GALNT13: variants seen among roughly 807,000 people sequenced by gnomAD.
The protein encoded by GALNT13 is UDP-GalNAc:polypeptide N-acetylgalactosaminyltransferase 13.
In GALNT13, 28 loss-of-function variants were observed where a neutral mutation model predicts 64.2. That is an observed-to-expected ratio of 0.44 (90% CI 0.32 to 0.60). GALNT13 has a LOEUF of 0.60. GALNT13 is among the 20% of genes least tolerant of loss of function. The pLI is 0.05. For missense variants in GALNT13, 577 were observed against 669.8 expected (o/e 0.86, Z 1.53); for synonymous variants, 214 against 224.6 (o/e 0.95, Z 0.42).
At chr2:153,789,161 C>T in the GALNT13 span, among the ~76,000 whole-genome samples, 1 of 152,070 alleles carries the variant, frequency 6.6e-6, no homozygotes, top group Non-Finnish European at 1.5e-5. Flanking sequence ...TTCTTATTGC[C>T]ACATGACACA....
the GALNT13 span, among the ~76,000 whole-genome samples, chr2:153,225,485 G>A: frequency 1.3e-5 from 2 of 152,162 alleles, no homozygotes; most frequent in African/African-American, 4.8e-5. Context: ...AGTATGGGTA[G>A]TAGCTAATGC....
At chr2:153,312,442 G>T in the GALNT13 span, among the ~76,000 whole-genome samples, 1 of 152,178 alleles carries the variant, frequency 6.6e-6, no homozygotes, top group Non-Finnish European at 1.5e-5. Context: ...GCCAAATCCA[G>T]TTGGGTTTTA....
the GALNT13 span, among the ~76,000 whole-genome samples, chr2:153,815,993 A>G: frequency 5.9e-5 from 9 of 152,090 alleles, no homozygotes; most frequent in African/African-American, 2.2e-4. Context: ...TTCTCAATTC[A>G]CTCACTCACA....
At chr2:153,809,674 A>G in the GALNT13 span, among the ~76,000 whole-genome samples, 5 of 152,326 alleles carry the variant, frequency 3.3e-5, no homozygotes, top group Middle Eastern at 3.4e-3. Context: ...ATATCTTAAC[A>G]TAATTTGGAT....
At chr2:153,440,409 A>G in the GALNT13 span, among the ~76,000 whole-genome samples, 36 of 152,288 alleles carry the variant, frequency 2.4e-4, no homozygotes, top group African/African-American at 7.5e-4. Context: ...TGCAATAAAC[A>G]TATGTGTGCA....
chr2:153,248,847 A>G, the GALNT13 span, among the ~76,000 whole-genome samples: 1 of 151,102 alleles, frequency 6.6e-6, no homozygotes, highest in East Asian at 1.9e-4. Flanking sequence ...AGAAAAAAAA[A>G]ACCCTCAATA....
At chr2:153,592,063 A>T in the GALNT13 span, among the ~76,000 whole-genome samples, 1 of 140,756 alleles carries the variant, frequency 7.1e-6, no homozygotes, top group African/African-American at 2.9e-5. Flanking sequence ...TGGTTAACAG[A>T]TTATATATAT....
the GALNT13 span, among the ~76,000 whole-genome samples, chr2:153,465,852 T>C: frequency 6.6e-6 from 1 of 151,986 alleles, no homozygotes; most frequent in South Asian, 2.1e-4. Flanking sequence ...ATAAGGAAGA[T>C]GTAAGAAAAA....
chr2:153,193,487 C>G, the GALNT13 span, among the ~76,000 whole-genome samples: 2 of 150,838 alleles, frequency 1.3e-5, no homozygotes, highest in Non-Finnish European at 3.0e-5. Context: ...GGGAGATATA[C>G]CTAATGCTAG....
At chr2:153,213,961 G>C in the GALNT13 span, among the ~76,000 whole-genome samples, 2 of 152,112 alleles carry the variant, frequency 1.3e-5, no homozygotes, top group Admixed American at 1.3e-4. Context: ...TTCAAGGGAG[G>C]GAACCAGAGC....
chr2:153,185,967 A>G, the GALNT13 span, among the ~76,000 whole-genome samples: 3 of 151,798 alleles, frequency 2.0e-5, no homozygotes, highest in East Asian at 2.0e-4. Context: ...GTAGATATCT[A>G]TCAGGTCCAC....
the GALNT13 span, among the ~76,000 whole-genome samples, chr2:153,353,334 T>C: frequency 6.6e-6 from 1 of 152,176 alleles, no homozygotes; most frequent in Non-Finnish European, 1.5e-5. Context: ...CTCTTATTAG[T>C]TTCAAAGTAT....
At chr2:153,819,160 C>T in the GALNT13 span, among the ~76,000 whole-genome samples, 3 of 152,120 alleles carry the variant, frequency 2.0e-5, no homozygotes, top group Non-Finnish European at 2.9e-5. Flanking sequence ...ATGTATGGGC[C>T]CAAAGGTGGA....
chr2:153,884,852 T>C (rs1687050229), intron 1 of GALNT13, among the ~76,000 whole-genome samples: 9 of 64,740 alleles, frequency 1.4e-4, no homozygotes, highest in Admixed American at 9.6e-4. Flanking sequence ...TGTATATATG[T>C]ATATACACAC....
At chr2:153,212,938 CA>C in the GALNT13 span, among the ~76,000 whole-genome samples, 2 of 152,284 alleles carry the variant, frequency 1.3e-5, no homozygotes, top group African/African-American at 4.8e-5. Flanking sequence ...TCTGTCTGAA[CA>C]AATTATTCAT....
the GALNT13 span, among the ~76,000 whole-genome samples, chr2:153,078,912 T>G: frequency 6.6e-6 from 1 of 152,166 alleles, no homozygotes; most frequent in Admixed American, 6.6e-5. Flanking sequence ...TAGAATAAAC[T>G]TACTTAGTCA....
At chr2:153,206,690 G>A in the GALNT13 span, among the ~76,000 whole-genome samples, 2 of 152,010 alleles carry the variant, frequency 1.3e-5, no homozygotes, top group South Asian at 2.1e-4. Flanking sequence ...AATAAGAAAT[G>A]TCAAGCCCAT....
rs34582475 is a variant in GALNT13 at position 154,143,860 on chromosome 2, CAAAAAAA to C, written c.311+3375_311+3381del. ...TGGGTGACAGAGTAAGACTCTGTCT[CAAAAAAA>C]AAAAAAAAAAAAAAAAAAAGAATCT... On this transcript the variant is annotated intron_variant, in intron 4 of 12. Coordinates refer to ENST00000392825, the MANE Select transcript of GALNT13 (RefSeq NM_052917.4). Among the ~76,000 whole-genome samples the C allele has an allele frequency of 3.2e-4, 19 of 58,904 alleles. No individual in the cohort carries two copies. The East Asian group carries it at 6.2e-3, about 19-fold the overall frequency. 38.6% of individuals were successfully genotyped at this position (58,904 alleles called of 152,430 possible).
chr2:154,405,946 T>C (rs1308468242), intron 10 of GALNT13, among the ~76,000 whole-genome samples: 3 of 152,134 alleles, frequency 2.0e-5, no homozygotes, highest in Non-Finnish European at 2.9e-5. Context: ...ATCAGAGTTT[T>C]CAAAGGAATC....
Sources: gnomAD v4.1 joint callset for allele counts (sites outside exome capture counted in the v4.1 genomes callset) on GRCh38, gnomAD v4.1.1 for gene constraint, MANE v1.5 for transcripts, NCBI Gene and HGNC (gene_info 2026-07-23, HGNC 2026-07-21) for gene names.